DTNB: variants seen among roughly 807,000 people sequenced by gnomAD.
DTNB encodes the protein dystrobrevin beta, also known as DTN-B.
DTNB carries 63 observed loss-of-function variants against 90.7 expected under a neutral mutation model. The observed-to-expected ratio is 0.69, with a 90% CI of 0.57 to 0.86. The LOEUF is 0.86. Ranked by LOEUF, DTNB falls within the 40% of genes least tolerant of loss-of-function variation. DTNB has a pLI of 0.00. For synonymous variants in DTNB, 277 were observed against 286.7 expected (o/e 0.97, Z 0.34); for missense variants, 744 against 807.1 (o/e 0.92, Z 0.95).
intron 16 of DTNB, among the ~76,000 whole-genome samples, chr2:25,412,323 T>A (rs927475753): frequency 2.0e-5 from 3 of 152,178 alleles, no homozygotes; most frequent in African/African-American, 7.2e-5. Flanking sequence ...TAGGGCATGA[T>A]GGCAAGATCC....
chr2:25,663,246 CT>C (rs1303906482), intron 1 of DTNB, among the ~76,000 whole-genome samples: 1 of 152,164 alleles, frequency 6.6e-6, no homozygotes, highest in Non-Finnish European at 1.5e-5. Context: ...TGAACTCATT[CT>C]TTTTTTATGG....
chr2:25,488,202 G>A (rs915194185), intron 9 of DTNB, among the ~76,000 whole-genome samples: 2 of 152,182 alleles, frequency 1.3e-5, no homozygotes, highest in African/African-American at 4.8e-5. Context: ...CAGTTGCCCA[G>A]ATCAGTGACT....
At chr2:25,409,328 A>G (rs1029400816) in intron 16 of DTNB, among the ~76,000 whole-genome samples, 2 of 152,214 alleles carry the variant, frequency 1.3e-5, no homozygotes, top group Non-Finnish European at 2.9e-5. Flanking sequence ...GCCTTTCTCC[A>G]GAGTACCAAC....
intron 16 of DTNB, among the ~76,000 whole-genome samples, chr2:25,409,369 T>G (rs546735404): frequency 1.3e-5 from 2 of 152,290 alleles, no homozygotes; most frequent in East Asian, 3.9e-4. Flanking sequence ...CCAAAAACTG[T>G]GGAGCTGGAA....
intron 8 of DTNB, among the ~76,000 whole-genome samples, chr2:25,544,983 A>T (rs1220084013): frequency 6.6e-6 from 1 of 152,212 alleles, no homozygotes; most frequent in African/African-American, 2.4e-5. Flanking sequence ...TGAATAGATT[A>T]GCTGGGTAGA....
chr2:25,407,245 C>T (rs556397780), intron 16 of DTNB, among the ~76,000 whole-genome samples: 104 of 152,192 alleles, frequency 6.8e-4, no homozygotes, highest in African/African-American at 2.3e-3. Flanking sequence ...CTGCAAGAAT[C>T]GTCATTATTG....
At chr2:25,381,249 T>C (rs148020652) in intron 19 of DTNB, among the ~76,000 whole-genome samples, 146 of 152,360 alleles carry the variant, frequency 9.6e-4, no homozygotes, top group Non-Finnish European at 1.7e-3. Context: ...TACACCAGTG[T>C]AAATTTATCT....
intron 9 of DTNB, among the ~76,000 whole-genome samples, chr2:25,519,688 C>T (rs896654794): frequency 1.3e-5 from 2 of 152,108 alleles, no homozygotes; most frequent in Non-Finnish European, 1.5e-5. Flanking sequence ...CAAAAAGTTT[C>T]GGATTTTGGA....
chr2:25,499,182 A>T (rs989437102), intron 9 of DTNB, among the ~76,000 whole-genome samples: 125 of 71,336 alleles, frequency 1.8e-3, no homozygotes, highest in Middle Eastern at 0.01. Context: ...GTGTCATTGC[A>T]AAAAAAAAAA....
intron 16 of DTNB, among the ~76,000 whole-genome samples, chr2:25,398,408 T>C (rs1175324401): frequency 2.0e-5 from 3 of 152,164 alleles, no homozygotes; most frequent in African/African-American, 7.2e-5. Flanking sequence ...TGGATGAAAA[T>C]GAAGCCAGGA....
intron 8 of DTNB, among the ~76,000 whole-genome samples, chr2:25,533,450 C>A (rs1271407203): frequency 6.6e-6 from 1 of 152,154 alleles, no homozygotes; most frequent in Admixed American, 6.5e-5. Flanking sequence ...TTCCTTTTGC[C>A]CAACAAGTCG....
rs1167517408 is a variant in DTNB, at chr2:25,550,322, C to T, written c.877-18725G>A. The stretch of plus-strand genomic sequence containing the variant: ...AAGAGAATGGCGTGAACCCGGGAGG[C>T]GGAGCTTGCAGTGAGCCGAGATCGC... On this transcript the variant is annotated intron_variant, in intron 8 of 20. Transcript: ENST00000406818. Among the ~76,000 whole-genome samples, 6 of 151,998 alleles carry T rather than the reference C, an allele frequency of 3.9e-5. No individual in the cohort carries two copies. The East Asian group carries it at 5.8e-4, about 15-fold the overall frequency.
At chr2:25,559,021 T>A (rs1020325757) in intron 8 of DTNB, among the ~76,000 whole-genome samples, 1 of 152,180 alleles carries the variant, frequency 6.6e-6, no homozygotes, top group Admixed American at 6.5e-5. Context: ...GCCCTGCATG[T>A]TCCTGGCAAC....
chr2:25,565,662 A>G (rs1237197129), intron 8 of DTNB, among the ~76,000 whole-genome samples: 1 of 151,308 alleles, frequency 6.6e-6, no homozygotes, highest in Admixed American at 6.6e-5. Context: ...TTCCTTTTTC[A>G]TATTTATTGA....
chr2:25,478,542 A>G (rs2064213701), intron 10 of DTNB, among the ~76,000 whole-genome samples: 1 of 150,042 alleles, frequency 6.7e-6, no homozygotes, highest in South Asian at 2.1e-4. Context: ...TTTTTTTTTT[A>G]GAGACAGAGT....
In DTNB at chr2:25,488,410, A is replaced by G. The variant is rs994665124; in HGVS notation, c.1002-5537T>C. Among the ~76,000 whole-genome samples the G allele has an allele frequency of 2.6e-5, 4 of 152,304 alleles. No homozygotes were observed. In the South Asian group the frequency reaches 8.3e-4, roughly 32 times the overall value. On this transcript the variant is annotated intron_variant, in intron 9 of 20. Transcript: ENST00000406818. Reference sequence around the variant, plus strand: ...GTAGGAAACAAGATCTGAGGTTGGAAAGGAGGAGGGATGGGTAGACAGAAT... The same window carrying G: ...GTAGGAAACAAGATCTGAGGTTGGAGAGGAGGAGGGATGGGTAGACAGAAT...
Position 25,387,246 on chromosome 2 carries a change from G to A in DTNB, c.1825+43C>T, listed in dbSNP as rs752132519. The A allele has an allele frequency of 1.9e-6, 3 of 1,588,504 alleles. No homozygotes were observed. The Admixed American group carries it at 5.0e-5, about 27-fold the overall frequency. ...AAGGAAGTGAGAAGGGCGCGGGCAA[G>A]GCAGGGGAGGCCAGGAAGCTGGCTG... On this transcript the variant is annotated intron_variant, in intron 18 of 20. Transcript: ENST00000406818. The surrounding 1 kb of genome is among the most constrained non-coding windows in gnomAD (Gnocchi z 4.5).
chr2:25,432,204 CGT>C (rs1439237795), intron 14 of DTNB, among the ~76,000 whole-genome samples: 1 of 105,734 alleles, frequency 9.5e-6, no homozygotes, highest in Non-Finnish European at 1.8e-5. Context: ...CAGAAGAGTG[CGT>C]ACACACACAC....
At chr2:25,534,667 G>A (rs895431239) in intron 8 of DTNB, among the ~76,000 whole-genome samples, 12 of 145,602 alleles carry the variant, frequency 8.2e-5, no homozygotes, top group South Asian at 4.5e-4. Flanking sequence ...ACGGGGTGGC[G>A]GCCGGACAGA....
Sources: gnomAD v4.1 joint callset for allele counts (sites outside exome capture counted in the v4.1 genomes callset) on GRCh38, gnomAD v4.1.1 for gene constraint, Gnocchi (gnomAD v3.1) non-coding constraint, MANE v1.5 for transcripts, NCBI Gene and HGNC (gene_info 2026-07-23, HGNC 2026-07-21) for gene names.